Variants in CCDC50 observed in about 807,000 individuals in gnomAD.
The protein encoded by CCDC50 is coiled-coil domain containing 50, also known as coiled-coil domain-containing protein 50.
A neutral mutation model predicts 70.2 loss-of-function variants in CCDC50; 54 were observed. That is an observed-to-expected ratio of 0.77 (90% CI 0.62 to 0.96). The LOEUF (loss-of-function observed/expected upper bound fraction) is 0.96. Ranked by LOEUF, CCDC50 falls within the 50% of genes least tolerant of loss-of-function variation. CCDC50 has a pLI of 0.00. For missense variants in CCDC50, 558 were observed against 578.7 expected (o/e 0.96, Z 0.37); for synonymous variants, 216 against 198.8 (o/e 1.09, Z -0.73).
Position 191,349,607 on chromosome 3 carries a change from G to A in CCDC50, c.50-7481G>A, listed in dbSNP as rs1375942394. Among the ~76,000 whole-genome samples the A allele has an allele frequency of 2.8e-5, 4 of 141,198 alleles. 1 individual carries two copies. Among genetic ancestry groups the A allele is most frequent in the Non-Finnish European group, 4.8e-5 (3 of 62,670 alleles). 92.6% of individuals were successfully genotyped at this position (141,198 alleles called of 152,430 possible). On this transcript the variant is annotated intron_variant, in intron 1 of 11. Coordinates refer to ENST00000392455, the MANE Select transcript of CCDC50 (RefSeq NM_178335.3). ...GTGGGAAGAGGGTGAGAGATGAGAA[G>A]GTACTTAATGAAGTACAGTGTACAT... is the stretch of plus-strand genomic sequence containing the variant.
At chr3:191,361,206 C>G (rs571307408) in intron 4 of CCDC50, 47 bp downstream of exon 4, 2 of 1,417,068 alleles carry the variant, frequency 1.4e-6, no homozygotes, top group African/African-American at 1.4e-5. Context: ...AAGGGGTGCT[C>G]AGCTTTAGAG....
intron 1 of CCDC50, among the ~76,000 whole-genome samples, chr3:191,333,306 G>A (rs1015471934): frequency 9.2e-5 from 14 of 152,300 alleles, no homozygotes; most frequent in African/African-American, 3.4e-4. Context: ...TAGGTTCAGG[G>A]CACTCCAGTG....
In CCDC50 at chr3:191,375,415, C is replaced by G; in HGVS notation, c.802C>G (p.Gln268Glu). 1.2e-6 allele frequency: 2 copies of G among 1,613,780 alleles called. No individual in the cohort carries two copies. The highest frequency in any genetic ancestry group is 1.7e-6 in the Non-Finnish European group (2 of 1,179,852). The change falls in exon 6 of 12, where the codon CAG becomes GAG. Residue 268 changes from glutamine to glutamate, a missense_variant. Coordinates refer to ENST00000392455, the MANE Select transcript of CCDC50 (RefSeq NM_178335.3). ...CCATCAGACTCGAAATTGGGAAAAACAGTCTCGACACCAAGATCGACTTTC... is the reference window on the plus strand; with the variant it reads ...CCATCAGACTCGAAATTGGGAAAAAGAGTCTCGACACCAAGATCGACTTTC... Reference protein sequence around the residue: ...INHQTRNWEKQSRHQDRLSPK... With the variant: ...INHQTRNWEKESRHQDRLSPK...
chr3:191,391,984 C>G lies in CCDC50; in HGVS notation c.*224C>G, dbSNP rs1047301616. On this transcript the variant is annotated 3_prime_UTR_variant, in exon 12 of 12. Transcript: ENST00000392455. ...TGTAGCTTCTGAATATTGGCCACCT[C>G]TATGCTGCATATACTTCTTGGGATA... is the stretch of plus-strand genomic sequence containing the variant. 11 of 564,632 alleles carry G rather than the reference C, an allele frequency of 1.9e-5. No homozygotes were observed. Among genetic ancestry groups the G allele is most frequent in the African/African-American group, 1.9e-4 (10 of 52,850 alleles). The allele number at this position is 564,632 out of a possible 1,614,324, so 35.0% of individuals were successfully genotyped here. A position where few individuals can be genotyped will look rare whatever the true frequency, so the allele number is the denominator to read the frequency against.
chr3:191,375,644 C>A, intron 6 of CCDC50, 55 bp downstream of exon 6: 1 of 1,564,212 alleles, frequency 6.4e-7, no homozygotes, highest in Non-Finnish European at 8.7e-7. Context: ...AACTACAAAC[C>A]AATGAATTTA....
In CCDC50 at chr3:191,381,857, C is replaced by T. The variant is rs181174792; in HGVS notation, c.1243-889C>T. ...CCATTGGGTTTCTGGTCCCACCTCA[C>T]AGTCTCAGTAATGGTTGTGAGGAAA... On this transcript the variant is annotated intron_variant, in intron 9 of 11. Transcript: ENST00000392455. Among the ~76,000 whole-genome samples the T allele has an allele frequency of 5.2e-4, 79 of 152,210 alleles. No individual in the cohort carries two copies. The East Asian group carries it at 0.013, about 24-fold the overall frequency.
chr3:191,358,187 A>G, intron 3 of CCDC50, 63 bp downstream of exon 3: 3 of 1,599,228 alleles, frequency 1.9e-6, no homozygotes, highest in Non-Finnish European at 2.6e-6. Context: ...GCTAGCAACC[A>G]GGGCAGGGGA....
Position 191,330,965 on chromosome 3 carries a change from G to A in CCDC50, c.49+1242G>A, listed in dbSNP as rs139252046. 5.2e-3 allele frequency among the ~76,000 whole-genome samples: 796 copies of A among 152,218 alleles called. 8 individuals are homozygous for A. Among genetic ancestry groups the A allele is most frequent in the African/African-American group, 0.014 (593 of 41,510 alleles). On this transcript the variant is annotated intron_variant, in intron 1 of 11. Coordinates refer to ENST00000392455, the MANE Select transcript of CCDC50 (RefSeq NM_178335.3). ...AGCGTTAATACTTTTCTACCTTTCC[G>A]TCCCTGGTATGGCTTTGATGAAGAC...
In CCDC50 at chr3:191,376,818, G is replaced by C. The variant is rs373548935; in HGVS notation, c.976+1229G>C. ...TAATCTGTCTTGAGTAGGTTTATGA[G>C]GAGGTTACACCCCTAGCATTTTGAG... On this transcript the variant is annotated intron_variant, in intron 6 of 11. Transcript: ENST00000392455. Among the ~76,000 whole-genome samples, 49 of 152,270 alleles carry C rather than the reference G, an allele frequency of 3.2e-4. 2 individuals carry two copies. The highest frequency in any genetic ancestry group is 2.3e-3 in the East Asian group (12 of 5,184).
At chr3:191,365,333 A>G (rs1440265259) in intron 4 of CCDC50, among the ~76,000 whole-genome samples, 1 of 151,884 alleles carries the variant, frequency 6.6e-6, no homozygotes, top group Non-Finnish European at 1.5e-5. Context: ...AGCACTCTTT[A>G]AAAAGATTAG....
chr3:191,380,640 C>A, intron 7 of CCDC50, 47 bp from the exon 8 acceptor site: 1 of 1,554,962 alleles, frequency 6.4e-7, no homozygotes, highest in Non-Finnish European at 8.8e-7. Flanking sequence ...AAATGCACAA[C>A]ATAGATTCCA....
chr3:191,371,114 A>G (rs1053674657), intron 5 of CCDC50, among the ~76,000 whole-genome samples: 3 of 152,114 alleles, frequency 2.0e-5, no homozygotes, highest in Non-Finnish European at 4.4e-5. Context: ...TGCTGATGAC[A>G]AACAATATTA....
At chr3:191,331,441 C>G (rs1447197594) in intron 1 of CCDC50, among the ~76,000 whole-genome samples, 1 of 152,138 alleles carries the variant, frequency 6.6e-6, no homozygotes, top group Admixed American at 6.5e-5. Context: ...AAGATTTTTC[C>G]ATTTCCACAC....
At chr3:191,369,062 G>A (rs1038173128) in intron 4 of CCDC50, among the ~76,000 whole-genome samples, 4 of 152,030 alleles carry the variant, frequency 2.6e-5, no homozygotes, top group African/African-American at 9.7e-5. Context: ...ACAACATTCC[G>A]TATCTCATGT....
chr3:191,366,996 G>A (rs1303914308), intron 4 of CCDC50, among the ~76,000 whole-genome samples: 2 of 152,098 alleles, frequency 1.3e-5, no homozygotes, highest in African/African-American at 4.8e-5. Flanking sequence ...GCATAGTAAT[G>A]TTGGAAAGCT....
rs1332692934 is a variant in CCDC50 at position 191,394,816 on chromosome 3, T to TAA, written c.*3057_*3058dup. 1.3e-5 allele frequency: 2 copies of TAA among 152,310 alleles called. No homozygotes were observed. Among genetic ancestry groups the TAA allele is most frequent in the African/African-American group, 4.8e-5 (2 of 41,580 alleles). The allele number at this position is 152,310 out of a possible 1,614,324, so 9.4% of individuals were successfully genotyped here. On this transcript the variant is annotated 3_prime_UTR_variant, in exon 12 of 12. Coordinates refer to ENST00000392455, the MANE Select transcript of CCDC50 (RefSeq NM_178335.3). ...TTTGCGTTCAAACCACTGTTAGACG[T>TAA]AAGTATTTTATTAGACATAAGTATT...
At chr3:191,339,974 G>A (rs190382891) in intron 1 of CCDC50, among the ~76,000 whole-genome samples, 5 of 152,332 alleles carry the variant, frequency 3.3e-5, no homozygotes, top group Admixed American at 3.3e-4. Flanking sequence ...AATATTTGGT[G>A]TAGGTGAAAG....
At chr3:191,350,718 G>C (rs1486303959) in intron 1 of CCDC50, among the ~76,000 whole-genome samples, 1 of 141,912 alleles carries the variant, frequency 7.0e-6, no homozygotes, top group Non-Finnish European at 1.6e-5. Flanking sequence ...TGGGGTGATA[G>C]ATAGGTACTC....
chr3:191,354,946 T>A (rs920842396), intron 1 of CCDC50, among the ~76,000 whole-genome samples: 1 of 152,154 alleles, frequency 6.6e-6, no homozygotes, highest in African/African-American at 2.4e-5. Flanking sequence ...TAAGAAAAAA[T>A]GTCTGTATGT....
Sources: allele counts gnomAD v4.1 joint callset (sites outside exome capture counted in the v4.1 genomes callset), GRCh38; gene constraint gnomAD v4.1.1; transcripts MANE v1.5; gene names NCBI Gene and HGNC (gene_info 2026-07-23, HGNC 2026-07-21).